The following ANO1 variants were observed in gnomAD, a reference collection of about 807,000 sequenced individuals.
The protein encoded by ANO1 is anoctamin-1.
In ANO1, 59 loss-of-function variants were observed where a neutral mutation model predicts 124.0. That is an observed-to-expected ratio of 0.48 (90% CI 0.39 to 0.59). ANO1 has a LOEUF of 0.59. Ranked by LOEUF, ANO1 falls within the 20% of genes least tolerant of loss-of-function variation. ANO1 has a pLI of 0.00. For missense variants in ANO1, 1,059 were observed against 1,328.0 expected (o/e 0.80, Z 3.15); for synonymous variants, 529 against 532.0 (o/e 0.99, Z 0.08).
chr11:70,104,281 C>T lies in ANO1; in HGVS notation c.692+131C>T. The T allele has an allele frequency of 3.6e-6, 4 of 1,098,476 alleles. No homozygotes were observed. In the South Asian group the frequency reaches 6.9e-5, roughly 19 times the overall value. The allele number at this position is 1,098,476 out of a possible 1,614,324, so 68.0% of individuals were successfully genotyped here. A position where few individuals can be genotyped will look rare whatever the true frequency, so the allele number is the denominator to read the frequency against. ...TGTTCTTGTAAGAGCTTTGTGGTTGCTGAGCCCAGAAGAGGCTGTGGAAAT... is the reference window on the plus strand; with the variant it reads ...TGTTCTTGTAAGAGCTTTGTGGTTGTTGAGCCCAGAAGAGGCTGTGGAAAT... On this transcript the variant is annotated intron_variant, in intron 4 of 25. Transcript: ENST00000355303.
chr11:69,972,601 GTGCT>G, the ANO1 span, among the ~76,000 whole-genome samples: 2 of 152,184 alleles, frequency 1.3e-5, no homozygotes, highest in African/African-American at 4.8e-5. Flanking sequence ...TTTGTTGTTA[GTGCT>G]TTCACTGTAT....
intron 1 of ANO1, among the ~76,000 whole-genome samples, chr11:70,020,072 C>T (rs531460632): frequency 1.0e-3 from 154 of 152,300 alleles, no homozygotes; most frequent in Middle Eastern, 3.4e-3. Flanking sequence ...GCTTGGTGGG[C>T]GGGCGCTAGG....
intron 1 of ANO1, chr11:70,072,990 G>A (rs1302875341): frequency 6.6e-6 from 1 of 152,268 alleles, no homozygotes; most frequent in Non-Finnish European, 1.5e-5. Context: ...AGCCATAAGG[G>A]TCACCCTTGT....
In ANO1 at chr11:70,189,497, G is replaced by T. The variant is rs2049281497; in HGVS notation, c.*1493G>T. ...CACAAATCCACAGAGGACTGTGGCTGGACATTCATCTAAATAAATTTGAAT... is the reference window on the plus strand; with the variant it reads ...CACAAATCCACAGAGGACTGTGGCTTGACATTCATCTAAATAAATTTGAAT... On this transcript the variant is annotated 3_prime_UTR_variant, in exon 26 of 26. Transcript: ENST00000355303. The T allele has an allele frequency of 6.6e-6, 1 of 152,556 alleles. No individual in the cohort carries two copies. The highest frequency in any genetic ancestry group is 2.1e-4 in the South Asian group (1 of 4,826). The allele number at this position is 152,556 out of a possible 1,614,324, so 9.5% of individuals were successfully genotyped here.
intron 8 of ANO1, among the ~76,000 whole-genome samples, chr11:70,117,516 C>G (rs75892674): frequency 1.3e-5 from 2 of 152,154 alleles, no homozygotes; most frequent in South Asian, 2.1e-4. Flanking sequence ...ACCATGCCCC[C>G]GAAAAGAACA....
rs762289455 is a variant in ANO1, at chr11:70,149,801, G to A, written c.1341+9G>A. 1 of 1,612,990 alleles carries A rather than the reference G, an allele frequency of 6.2e-7. No individual in the cohort carries two copies. Among genetic ancestry groups the A allele is most frequent in the South Asian group, 1.1e-5 (1 of 90,778 alleles). ...GCTTTGAAGAGGAAGAGGTCAGTGG[G>A]TTTGCCGCCGTGCATATCACGCCCT... On this transcript the variant is annotated intron_variant, in intron 12 of 25. Coordinates refer to ENST00000355303, the MANE Select transcript of ANO1 (RefSeq NM_018043.7).
intron 11 of ANO1, among the ~76,000 whole-genome samples, chr11:70,140,535 G>T (rs2047114562): frequency 6.9e-6 from 1 of 145,742 alleles, no homozygotes; most frequent in Non-Finnish European, 1.5e-5. Flanking sequence ...CTGTCTCAAG[G>T]AAAAAAAAAA....
At chr11:70,179,932 A>G in intron 22 of ANO1, 72 bp from the exon 23 acceptor site, 9 of 1,440,124 alleles carry the variant, frequency 6.2e-6, no homozygotes, top group Non-Finnish European at 8.8e-6. Context: ...GTACCCGCTC[A>G]GACTGCTGCC....
intron 6 of ANO1, 36 bp downstream of exon 6, chr11:70,108,440 T>C: frequency 6.2e-7 from 1 of 1,604,548 alleles, no homozygotes; most frequent in Non-Finnish European, 8.5e-7. Flanking sequence ...TCAGCATTGG[T>C]TTCCAAGTCG....
At chr11:70,113,442 G>A (rs1486356757) in intron 7 of ANO1, among the ~76,000 whole-genome samples, 2 of 151,774 alleles carry the variant, frequency 1.3e-5, no homozygotes, top group East Asian at 3.9e-4. Context: ...CCGGGTTCCT[G>A]CCCTGAAGCC....
At chr11:70,094,563 A>G (rs1036156960) in intron 2 of ANO1, among the ~76,000 whole-genome samples, 1 of 152,230 alleles carries the variant, frequency 6.6e-6, no homozygotes, top group African/African-American at 2.4e-5. Context: ...GCTTCCTACC[A>G]GAACCATGAG....
intron 1 of ANO1, among the ~76,000 whole-genome samples, chr11:70,032,056 G>C (rs1857011401): frequency 6.6e-6 from 1 of 152,248 alleles, no homozygotes; most frequent in Non-Finnish European, 1.5e-5. Flanking sequence ...TCAGGGAGAG[G>C]ACAGACGTGG....
At chr11:70,101,035 A>G (rs7929748) in intron 2 of ANO1, among the ~76,000 whole-genome samples, 37,610 of 151,874 alleles carry the variant, frequency 0.25, 5,171 homozygotes, top group Non-Finnish European at 0.31. Context: ...GGGCTTCAGA[A>G]GGAGCGATGA....
At chr11:70,100,157 C>T (rs564013556) in intron 2 of ANO1, among the ~76,000 whole-genome samples, 1 of 152,280 alleles carries the variant, frequency 6.6e-6, no homozygotes, top group South Asian at 2.1e-4. Context: ...GTCCGTGCTC[C>T]TGCAAAGCTC....
the ANO1 span, among the ~76,000 whole-genome samples, chr11:69,967,231 A>AGGTTCCGAGCGCCTGTATCG: frequency 7.5e-6 from 1 of 134,154 alleles, no homozygotes; most frequent in Non-Finnish European, 1.6e-5. Flanking sequence ...CGCCCGTATC[A>AGGTTCCGAGCGCCTGTATCG]CACGTTAGCT....
At chr11:70,152,185 A>C (rs1198850671) in intron 12 of ANO1, among the ~76,000 whole-genome samples, 3 of 151,882 alleles carry the variant, frequency 2.0e-5, no homozygotes, top group African/African-American at 4.8e-5. Flanking sequence ...AAATACAAAA[A>C]ATTAGCCGGG....
intron 11 of ANO1, among the ~76,000 whole-genome samples, chr11:70,143,175 C>T (rs2047221262): frequency 6.6e-6 from 1 of 152,166 alleles, no homozygotes; most frequent in East Asian, 1.9e-4. Context: ...GAAGACGCGA[C>T]CCCTGCCCGT....
chr11:70,062,066 TC>T (rs375389133), intron 1 of ANO1, among the ~76,000 whole-genome samples: 14,735 of 125,074 alleles, frequency 0.12, 2,197 homozygotes, highest in South Asian at 0.18. Context: ...TTTCCTTCTT[TC>T]TTTTTTTTTT....
At position 70,130,609 on chromosome 11, in the gene ANO1, A is replaced by G. The variant is rs562991668; in HGVS notation, c.1098-1310A>G. On this transcript the variant is annotated intron_variant, in intron 10 of 25. Coordinates refer to ENST00000355303, the MANE Select transcript of ANO1 (RefSeq NM_018043.7). ...CCTGGAAGTATTAGTATTTTCTAAT[A>G]TTAGTGGGAGTAAGTCAGTGCTGGG... Among the ~76,000 whole-genome samples the G allele has an allele frequency of 3.9e-5, 6 of 152,320 alleles. No individual in the cohort carries two copies. The South Asian group carries it at 1.0e-3, about 26-fold the overall frequency.
Sources: allele counts gnomAD v4.1 joint callset (sites outside exome capture counted in the v4.1 genomes callset), GRCh38; gene constraint gnomAD v4.1.1; transcripts MANE v1.5; gene names NCBI Gene and HGNC (gene_info 2026-07-23, HGNC 2026-07-21).